The following LNPEP variants were observed in gnomAD, a reference collection of about 807,000 sequenced individuals.
LNPEP encodes leucyl-cystinyl aminopeptidase.
LNPEP carries 64 observed loss-of-function variants against 120.6 expected under a neutral mutation model. The ratio of observed to expected loss-of-function variants is 0.53; its 90% confidence interval spans 0.43 to 0.65. LNPEP has a LOEUF of 0.65. Among genes scored for constraint, LNPEP ranks in the 30% least tolerant of loss-of-function variants. The pLI, the probability that LNPEP is intolerant of heterozygous loss-of-function variation, is 0.00. For missense variants in LNPEP, 1,057 were observed against 1,200.0 expected, an observed-to-expected ratio of 0.88 and a Z score of 1.76; for synonymous variants, 435 against 425.4, an observed-to-expected ratio of 1.02 and a Z score of -0.28.
At chr5:96,975,975 T>C (rs182493141) in intron 1 of LNPEP, among the ~76,000 whole-genome samples, 1 of 152,304 alleles carries the variant, frequency 6.6e-6, no homozygotes, top group African/African-American at 2.4e-5. Context: ...CTTTGACTTA[T>C]AGATAGCTTC....
intron 1 of LNPEP, among the ~76,000 whole-genome samples, chr5:96,967,838 G>C (rs1789765710): frequency 6.6e-6 from 1 of 152,012 alleles, no homozygotes; most frequent in African/African-American, 2.4e-5. Flanking sequence ...TTTCTTCCCT[G>C]CTAGGCACCA....
chr5:96,986,614 G>C lies in LNPEP; in HGVS notation c.1075G>C (p.Val359Leu). 1 of 1,613,628 alleles carries C rather than the reference G, an allele frequency of 6.2e-7. No individual in the cohort carries two copies. ...GAGTGTGAAGATGAGCACTTACTTG[G>C]TTGCTTTCATTGTGGGAGAGATGAA... is the stretch of plus-strand genomic sequence containing the variant. Reference protein sequence around the residue: ...SESVKMSTYLVAFIVGEMKNL... With the variant: ...SESVKMSTYLLAFIVGEMKNL... Residue 359 changes from valine (V) to leucine (L), a missense_variant, in exon 4 of 18, where the codon GTT becomes CTT. Coordinates refer to ENST00000231368, the MANE Select transcript of LNPEP (RefSeq NM_005575.3).
In LNPEP at chr5:96,979,362, A is replaced by G; in HGVS notation, c.244A>G (p.Met82Val). 1 of 1,614,106 alleles carries G rather than the reference A, an allele frequency of 6.2e-7. No homozygotes were observed. Among genetic ancestry groups the G allele is most frequent in the Non-Finnish European group, 8.5e-7 (1 of 1,179,968 alleles). Residue 82 changes from methionine (M) to valine (V), a missense_variant, in exon 2 of 18, where the codon ATG becomes GTG. Physicochemically the swap from Met to Val is conservative, Grantham distance 21. Transcript: ENST00000231368. ...AGCAAAGCTGCTGGGCATGTCCTTC[A>G]TGAATAGAAGCTCAGGCCTTCGGAA... ...SSAKLLGMSF[M>V]NRSSGLRNSA...
intron 8 of LNPEP, among the ~76,000 whole-genome samples, chr5:97,001,077 T>C (rs1209344179): frequency 6.6e-6 from 1 of 152,176 alleles, no homozygotes; most frequent in African/African-American, 2.4e-5. Context: ...CGAAAAGCAA[T>C]TTGATCAGGA....
intron 1 of LNPEP, among the ~76,000 whole-genome samples, chr5:96,939,140 C>CTAAGT (rs1788991676): frequency 6.6e-6 from 1 of 151,642 alleles, no homozygotes; most frequent in Non-Finnish European, 1.5e-5. Context: ...AATGCAAATG[C>CTAAGT]TAAGGTTCAC....
intron 4 of LNPEP, among the ~76,000 whole-genome samples, chr5:96,987,762 T>C (rs4869318): frequency 3.3e-5 from 5 of 152,230 alleles, no homozygotes; most frequent in Non-Finnish European, 5.9e-5. Flanking sequence ...AGACTTTATG[T>C]CAAGGATTTT....
chr5:97,023,413 C>T (rs772661294), intron 14 of LNPEP, among the ~76,000 whole-genome samples: 1 of 152,128 alleles, frequency 6.6e-6, no homozygotes, highest in Non-Finnish European at 1.5e-5. Context: ...GCCACCACAC[C>T]TGGCTAATTT....
rs1791442618 is a variant in LNPEP at position 97,030,298 on chromosome 5, T to C, written c.*1765T>C. ...CTAAATATGTCTTATTCAACTGAAG[T>C]GATTGTAAGTCTTTATTCTTGTGCT... On this transcript the variant is annotated 3_prime_UTR_variant, in exon 18 of 18. Transcript: ENST00000231368. The C allele has an allele frequency of 6.6e-6, 1 of 152,130 alleles. No individual in the cohort carries two copies. The highest frequency in any genetic ancestry group is 1.5e-5 in the Non-Finnish European group (1 of 68,000). 9.4% of individuals were successfully genotyped at this position (152,130 alleles called of 1,614,324 possible). A position where few individuals can be genotyped will look rare whatever the true frequency, so the allele number is the denominator to read the frequency against.
intron 1 of LNPEP, among the ~76,000 whole-genome samples, chr5:96,953,081 GC>G (rs143551982): frequency 0.037 from 5,710 of 152,288 alleles, 186 homozygotes; most frequent in Middle Eastern, 0.11. Flanking sequence ...CTCAAGCTTT[GC>G]CCCGGGCCTA....
chr5:96,980,169 G>T (rs1192130205), intron 2 of LNPEP, among the ~76,000 whole-genome samples, 191 bp downstream of exon 2: 3 of 152,176 alleles, frequency 2.0e-5, no homozygotes, highest in Admixed American at 6.6e-5. Flanking sequence ...ATATATCATG[G>T]TGGGGTGGAG....
Position 97,034,512 on chromosome 5 carries a change from T to C in LNPEP, c.*5979T>C, listed in dbSNP as rs1031320910. On this transcript the variant is annotated 3_prime_UTR_variant, in exon 18 of 18. Transcript: ENST00000231368. ...TGTTGTTATTGTTGTTCTTTCACTC[T>C]CAACACAGTTTTTTGTTTGGAGTTG... 5 of 151,974 alleles carry C rather than the reference T, an allele frequency of 3.3e-5. No individual in the cohort carries two copies. The highest frequency in any genetic ancestry group is 5.9e-5 in the Non-Finnish European group (4 of 67,984). 9.4% of individuals were successfully genotyped at this position (151,974 alleles called of 1,614,324 possible).
intron 1 of LNPEP, among the ~76,000 whole-genome samples, chr5:96,962,205 A>T (rs1789622825): frequency 6.6e-6 from 1 of 152,178 alleles, no homozygotes; most frequent in African/African-American, 2.4e-5. Flanking sequence ...TTTAGTTGGA[A>T]CTAGGGACTT....
chr5:97,014,480 G>A (rs138582712), intron 12 of LNPEP, among the ~76,000 whole-genome samples: 1 of 151,916 alleles, frequency 6.6e-6, no homozygotes, highest in East Asian at 1.9e-4. Context: ...TTTTAAAAAT[G>A]TACTCACTGT....
At chr5:96,956,318 A>T (rs184379221) in intron 1 of LNPEP, among the ~76,000 whole-genome samples, 5 of 152,326 alleles carry the variant, frequency 3.3e-5, no homozygotes. Flanking sequence ...AATCCATGGT[A>T]CCAGCCTGGC....
intron 1 of LNPEP, among the ~76,000 whole-genome samples, chr5:96,951,235 T>G: frequency 7.1e-6 from 1 of 140,160 alleles, no homozygotes; most frequent in African/African-American, 2.6e-5. Context: ...GCAATCACAA[T>G]GGGGGTTAGT....
chr5:96,936,851 T>C, intron 1 of LNPEP: 1 of 152,258 alleles, frequency 6.6e-6, no homozygotes, highest in Middle Eastern at 3.4e-3. Context: ...CAAGGGTCCG[T>C]CACGGTGGTG....
rs371529503 is a variant in LNPEP, at chr5:97,022,372, C to T, written c.2449C>T (p.Arg817Ter). Reference protein sequence around the residue: ...TWTDEGTPSMRELRSALLEFA... With the variant: ...TWTDEGTPSM ...GACTGATGAGGGCACTCCATCTATG[C>T]GAGAGCTTCGGTCAGCCCTGCTAGA... The change falls in exon 14 of 18, where the codon CGA (arginine) becomes TGA (stop). Residue 817 changes from arginine to a stop codon, truncating the protein, a stop_gained. Transcript: ENST00000231368. LOFTEE classifies it high-confidence loss of function. 5 of 1,613,724 alleles carry T rather than the reference C, an allele frequency of 3.1e-6. No individual in the cohort carries two copies. Among genetic ancestry groups the T allele is most frequent in the Non-Finnish European group, 4.2e-6 (5 of 1,179,654 alleles).
chr5:96,996,226 G>T, intron 6 of LNPEP, 164 bp from the exon 7 acceptor site: 5 of 465,506 alleles, frequency 1.1e-5, no homozygotes, highest in South Asian at 4.7e-5. Context: ...ACTTTTGTAA[G>T]TTCTAAATTA....
At chr5:96,957,027 T>G (rs1180519545) in intron 1 of LNPEP, among the ~76,000 whole-genome samples, 5 of 152,248 alleles carry the variant, frequency 3.3e-5, no homozygotes, top group Admixed American at 6.5e-5. Context: ...AATTTTTACT[T>G]TCTTGTTTAT....
Sources: gnomAD v4.1 joint callset for allele counts (sites outside exome capture counted in the v4.1 genomes callset) on GRCh38, gnomAD v4.1.1 for gene constraint, MANE v1.5 for transcripts, NCBI Gene and HGNC (gene_info 2026-07-23, HGNC 2026-07-21) for gene names.